The following CD2AP variants were observed in gnomAD, a reference collection of about 807,000 sequenced individuals.
CD2AP encodes CD2 associated protein.
Under a neutral mutation model 85.1 loss-of-function variants are expected in CD2AP, and 46 were observed. The observed-to-expected ratio is 0.54, with a 90% CI of 0.43 to 0.69. CD2AP has a LOEUF of 0.69. Among genes scored for constraint, CD2AP ranks in the 30% least tolerant of loss-of-function variants. CD2AP has a pLI of 0.00. For missense variants in CD2AP, 769 were observed against 729.5 expected (o/e 1.05, Z -0.62); for synonymous variants, 255 against 252.9 (o/e 1.01, Z -0.08).
At chr6:47,592,169 T>C (rs928011855) in intron 11 of CD2AP, among the ~76,000 whole-genome samples, 3 of 152,106 alleles carry the variant, frequency 2.0e-5, no homozygotes, top group Non-Finnish European at 4.4e-5. Context: ...CTGTACCTTA[T>C]GTAATTCTTC....
chr6:47,543,148 C>CAAAAAAAAAA (rs11338409), intron 3 of CD2AP, among the ~76,000 whole-genome samples: 5 of 60,328 alleles, frequency 8.3e-5, no homozygotes, highest in Admixed American at 2.4e-4. Context: ...AAGACTGTCT[C>CAAAAAAAAAA]AAAAAAAAAA....
chr6:47,569,854 A>G (rs538202815), intron 5 of CD2AP, among the ~76,000 whole-genome samples: 1 of 152,266 alleles, frequency 6.6e-6, no homozygotes, highest in East Asian at 1.9e-4. Context: ...TATTCACCTT[A>G]TACTCCTCCT....
chr6:47,544,222 G>C (rs1435130515), intron 3 of CD2AP, among the ~76,000 whole-genome samples: 1 of 152,184 alleles, frequency 6.6e-6, no homozygotes, highest in Admixed American at 6.5e-5. Flanking sequence ...ATTTTAAGTA[G>C]TATTCCCAGA....
intron 2 of CD2AP, among the ~76,000 whole-genome samples, chr6:47,523,089 T>A (rs1374114206): frequency 6.6e-6 from 1 of 152,096 alleles, no homozygotes; most frequent in Non-Finnish European, 1.5e-5. Context: ...TCTTTTGCTT[T>A]ATGAAACTGT....
At chr6:47,573,187 C>T (rs1034128769) in intron 5 of CD2AP, among the ~76,000 whole-genome samples, 3 of 152,180 alleles carry the variant, frequency 2.0e-5, no homozygotes, top group African/African-American at 4.8e-5. Flanking sequence ...AATGTAAAAA[C>T]GCTGTTACCC....
intron 17 of CD2AP, among the ~76,000 whole-genome samples, chr6:47,620,892 C>G (rs1428097149): frequency 2.6e-5 from 4 of 151,866 alleles, no homozygotes. Context: ...TTGTGTAGCT[C>G]TTATACCCGA....
intron 2 of CD2AP, among the ~76,000 whole-genome samples, chr6:47,528,922 C>A (rs753064781): frequency 1.3e-5 from 2 of 152,074 alleles, no homozygotes; most frequent in Non-Finnish European, 2.9e-5. Flanking sequence ...GCATCTTTTG[C>A]AAATATTTTC....
At chr6:47,543,852 A>AT (rs1450103551) in intron 3 of CD2AP, among the ~76,000 whole-genome samples, 1 of 152,190 alleles carries the variant, frequency 6.6e-6, no homozygotes, top group African/African-American at 2.4e-5. Context: ...GAGATACTAC[A>AT]TATCTCACAA....
chr6:47,618,735 A>G (rs1284851800), intron 17 of CD2AP, among the ~76,000 whole-genome samples: 1 of 152,226 alleles, frequency 6.6e-6, no homozygotes, highest in African/African-American at 2.4e-5. Context: ...TTAATTTGCC[A>G]TAAAAATTAT....
chr6:47,581,972 C>T (rs777673676), intron 10 of CD2AP, 31 bp from the exon 11 acceptor site: 1 of 1,452,530 alleles, frequency 6.9e-7, no homozygotes, highest in Non-Finnish European at 9.7e-7. Flanking sequence ...AAACTGTCTT[C>T]TTAAAAAAGT....
At chr6:47,505,632 C>G (rs1423578814) in intron 2 of CD2AP, among the ~76,000 whole-genome samples, 2 of 126,252 alleles carry the variant, frequency 1.6e-5, no homozygotes, top group East Asian at 2.1e-4. Flanking sequence ...GCTGACCCCC[C>G]CCACCTCCCT....
rs1043487631 is a variant in CD2AP at position 47,482,631 on chromosome 6, GCCTT to G, written c.4+4386_4+4389del. Among the ~76,000 whole-genome samples, 139 of 152,188 alleles carry G rather than the reference GCCTT, an allele frequency of 9.1e-4. 2 individuals are homozygous for G. Among genetic ancestry groups the G allele is most frequent in the Non-Finnish European group, 2.8e-4 (19 of 68,006 alleles). On this transcript the variant is annotated intron_variant, in intron 1 of 17. Coordinates refer to ENST00000359314, the MANE Select transcript of CD2AP (RefSeq NM_012120.3). ...CTGACCTTGTAATCTGCCCCCCTCA[GCCTT>G]CCAAAGTACTGGGATTATAGGCGTG...
chr6:47,539,746 G>A (rs1053187263), intron 3 of CD2AP, among the ~76,000 whole-genome samples: 1 of 152,152 alleles, frequency 6.6e-6, no homozygotes. Context: ...AAGAAATGCA[G>A]TATGTCCCCG....
At chr6:47,577,843 G>A (rs1053957382) in intron 8 of CD2AP, among the ~76,000 whole-genome samples, 5 of 151,876 alleles carry the variant, frequency 3.3e-5, no homozygotes, top group Non-Finnish European at 5.9e-5. Context: ...CTCCCAAAGT[G>A]CCGAGATTAC....
intron 2 of CD2AP, among the ~76,000 whole-genome samples, chr6:47,517,830 T>C (rs1172197171): frequency 6.6e-6 from 1 of 152,028 alleles, no homozygotes; most frequent in Non-Finnish European, 1.5e-5. Context: ...CTCTATCTGC[T>C]GAAAAAAGGG....
intron 11 of CD2AP, among the ~76,000 whole-genome samples, chr6:47,589,458 A>G (rs957216385): frequency 3.3e-5 from 5 of 151,174 alleles, no homozygotes; most frequent in African/African-American, 1.2e-4. Context: ...AAATATATAT[A>G]CATATATACA....
chr6:47,488,070 T>C (rs1765611888), intron 1 of CD2AP, among the ~76,000 whole-genome samples: 1 of 151,464 alleles, frequency 6.6e-6, no homozygotes, highest in South Asian at 2.1e-4. Flanking sequence ...TAATTCTTTC[T>C]GTGTGGTTCA....
At chr6:47,530,656 G>A (rs1290625951) in intron 2 of CD2AP, among the ~76,000 whole-genome samples, 1 of 152,042 alleles carries the variant, frequency 6.6e-6, no homozygotes, top group Non-Finnish European at 1.5e-5. Flanking sequence ...GTATTCTTTT[G>A]TAAAATGTAC....
At chr6:47,599,149 CTT>C in intron 12 of CD2AP, 150 bp from the exon 13 acceptor site, 2 of 588,624 alleles carry the variant, frequency 3.4e-6, no homozygotes, top group Non-Finnish European at 3.1e-6. Context: ...TGTGATCAGC[CTT>C]AGGAGAGAGT....
Sources: allele counts gnomAD v4.1 joint callset (sites outside exome capture counted in the v4.1 genomes callset), GRCh38; gene constraint gnomAD v4.1.1; transcripts MANE v1.5; gene names NCBI Gene and HGNC (gene_info 2026-07-23, HGNC 2026-07-21).